Variants in ANKRD55 observed in about 807,000 individuals in gnomAD.
ANKRD55 encodes the protein ankyrin repeat domain-containing protein 55.
Under a neutral mutation model 60.6 loss-of-function variants are expected in ANKRD55, and 41 were observed. The observed-to-expected ratio is 0.68, with a 90% CI of 0.53 to 0.88. The LOEUF is 0.88. ANKRD55 is among the 40% of genes least tolerant of loss of function. ANKRD55 has a pLI of 0.00. For missense variants in ANKRD55, 732 were observed against 767.6 expected, an observed-to-expected ratio of 0.95 and a Z score of 0.55; for synonymous variants, 264 against 290.3, an observed-to-expected ratio of 0.91 and a Z score of 0.92.
chr5:56,154,425 G>T (rs2111782080), intron 6 of ANKRD55, among the ~76,000 whole-genome samples: 1 of 152,196 alleles, frequency 6.6e-6, no homozygotes, highest in Non-Finnish European at 1.5e-5. Context: ...GAAAGCCTGG[G>T]CTGTGTTCTT....
chr5:56,189,310 C>CA (rs201026805), intron 2 of ANKRD55, among the ~76,000 whole-genome samples: 2,995 of 89,450 alleles, frequency 0.033, 96 homozygotes, highest in African/African-American at 0.096. Context: ...GACTCTGTCT[C>CA]AAAAAAAAAA....
rs752909552 is a variant in ANKRD55 at position 56,125,454 on chromosome 5, T to G, written c.797+1468A>C. Among the ~76,000 whole-genome samples, 77 of 152,188 alleles carry G rather than the reference T, an allele frequency of 5.1e-4. No individual in the cohort carries two copies. The Middle Eastern group carries it at 0.014, about 27-fold the overall frequency. On this transcript the variant is annotated intron_variant, in intron 8 of 11. Coordinates refer to ENST00000341048, the MANE Select transcript of ANKRD55 (RefSeq NM_024669.3). ...CGCCACCACACCTGGCTAATTTTTG[T>G]ATTTTCAGTAAAGATGGGTTTCGCC... is the stretch of plus-strand genomic sequence containing the variant.
chr5:56,126,883 A>G lies in ANKRD55; in HGVS notation c.797+39T>C, dbSNP rs116131388. The G allele has an allele frequency of 1.6e-4, 252 of 1,566,914 alleles. 1 individual carries two copies. Among genetic ancestry groups the G allele is most frequent in the Admixed American group, 2.7e-4 (15 of 55,056 alleles). On this transcript the variant is annotated intron_variant, in intron 8 of 11. Transcript: ENST00000341048. The stretch of plus-strand genomic sequence containing the variant: ...TATTTTAAGATTCAGTTAGGGGGAA[A>G]TGACTAGTTTCCCAGCACTTTCTGG...
At position 56,126,582 on chromosome 5, in the gene ANKRD55, C is replaced by T. The variant is rs78438690; in HGVS notation, c.797+340G>A. 3.2e-3 allele frequency among the ~76,000 whole-genome samples: 427 copies of T among 132,452 alleles called. 3 individuals carry two copies. The highest frequency in any genetic ancestry group is 0.012 in the African/African-American group (410 of 33,594). The allele number at this position is 132,452 out of a possible 152,430, so 86.9% of individuals were successfully genotyped here. ...GAACTTGTGGACTTTATAACATAATCCAAGAATGAAGAAAAAAAAAACAAC... is the reference window on the plus strand; with the variant it reads ...GAACTTGTGGACTTTATAACATAATTCAAGAATGAAGAAAAAAAAAACAAC... On this transcript the variant is annotated intron_variant, in intron 8 of 11. Transcript: ENST00000341048.
Position 56,111,476 on chromosome 5 carries a change from C to T in ANKRD55, c.1272G>A (p.Leu424=), listed in dbSNP as rs1214380865. The T allele has an allele frequency of 6.2e-7, 1 of 1,613,986 alleles. No homozygotes were observed. Among genetic ancestry groups the T allele is most frequent in the African/African-American group, 1.3e-5 (1 of 74,900 alleles). Reference sequence around the variant, plus strand: ...TGATTGGTGGAAGCCCCTTACGGGCCAGCGGTTTCTTTTCTGGTAAGAGAT... The same window carrying T: ...TGATTGGTGGAAGCCCCTTACGGGCTAGCGGTTTCTTTTCTGGTAAGAGAT... ...SKYLLPEKKP[L]ARKGLPPIRT... The change falls in exon 10 of 12, where the codon CTG becomes CTA. Residue 424 remains leucine (L), a synonymous_variant. Coordinates refer to ENST00000341048, the MANE Select transcript of ANKRD55 (RefSeq NM_024669.3).
chr5:56,229,168 A>G (rs1290004109), intron 2 of ANKRD55, among the ~76,000 whole-genome samples: 2 of 143,662 alleles, frequency 1.4e-5, no homozygotes, highest in Non-Finnish European at 3.0e-5. Flanking sequence ...TTTTCTTTCC[A>G]CAAGTCGTGA....
At chr5:56,159,808 C>T (rs762820688) in intron 6 of ANKRD55, 25 bp downstream of exon 6, 21 of 1,612,358 alleles carry the variant, frequency 1.3e-5, no homozygotes, top group Non-Finnish European at 1.6e-5. Context: ...AAAATGACCA[C>T]TTGTTGCTTG....
chr5:56,175,802 AT>A (rs1214766901), intron 4 of ANKRD55, among the ~76,000 whole-genome samples: 1 of 152,084 alleles, frequency 6.6e-6, no homozygotes, highest in East Asian at 1.9e-4. Context: ...TCTTCACAGT[AT>A]TCCCACCCTG....
intron 8 of ANKRD55, 180 bp from the exon 9 acceptor site, chr5:56,116,962 G>A (rs1561254282): frequency 3.5e-6 from 2 of 575,426 alleles, no homozygotes; most frequent in Non-Finnish European, 5.9e-6. Context: ...ATGTGTAGGG[G>A]CCTCTCCTCT....
intron 10 of ANKRD55, chr5:56,110,904 C>A: frequency 1.7e-6 from 1 of 591,560 alleles, no homozygotes; most frequent in Non-Finnish European, 3.0e-6. Context: ...CATATTTGTA[C>A]TTGATGATTA....
At chr5:56,166,200 T>TC (rs1491196423) in intron 5 of ANKRD55, among the ~76,000 whole-genome samples, 1 of 58,366 alleles carries the variant, frequency 1.7e-5, no homozygotes, top group South Asian at 3.8e-4. Context: ...CTTCCTTCCT[T>TC]CTCTCTCTCT....
rs1250806259 is a variant in ANKRD55, at chr5:56,192,133, CTT to C, written c.59-8501_59-8500del. 3.3e-5 allele frequency among the ~76,000 whole-genome samples: 5 copies of C among 152,242 alleles called. No individual in the cohort carries two copies. In the East Asian group the frequency reaches 9.6e-4, roughly 29 times the overall value. On this transcript the variant is annotated intron_variant, in intron 2 of 11. Coordinates refer to ENST00000341048, the MANE Select transcript of ANKRD55 (RefSeq NM_024669.3). ...CTATTGCTCCTCTCTCTCTCTCTCT[CTT>C]TCTCATCTATTTGTCATCTATGTTT... is the stretch of plus-strand genomic sequence containing the variant.
At chr5:56,215,596 G>T (rs1759785483) in intron 2 of ANKRD55, among the ~76,000 whole-genome samples, 1 of 152,178 alleles carries the variant, frequency 6.6e-6, no homozygotes, top group South Asian at 2.1e-4. Context: ...GGGTTGATTG[G>T]GTGGACTGTC....
intron 2 of ANKRD55, chr5:56,193,391 G>T: frequency 1.5e-6 from 1 of 650,700 alleles, no homozygotes; most frequent in South Asian, 1.6e-5. Context: ...TATCTACCTA[G>T]AACCTTTTGG....
chr5:56,219,035 G>A lies in ANKRD55; in HGVS notation c.58+13821C>T, dbSNP rs182042316. On this transcript the variant is annotated intron_variant, in intron 2 of 11. Transcript: ENST00000341048. ...CACCTGTAATCCCAGCACTTTGGGA[G>A]GCCGAGGCGGGCGGATCACTTGAGG... is the stretch of plus-strand genomic sequence containing the variant. Among the ~76,000 whole-genome samples the A allele has an allele frequency of 2.0e-3, 302 of 152,208 alleles. 1 individual carries two copies. Among genetic ancestry groups the A allele is most frequent in the Non-Finnish European group, 3.6e-3 (245 of 67,990 alleles).
intron 2 of ANKRD55, among the ~76,000 whole-genome samples, chr5:56,184,483 C>A (rs1758923911): frequency 6.6e-6 from 1 of 152,214 alleles, no homozygotes; most frequent in African/African-American, 2.4e-5. Flanking sequence ...TTCATTTCAA[C>A]CACCTGAGAT....
At chr5:56,164,095 A>G (rs1758393895) in intron 5 of ANKRD55, among the ~76,000 whole-genome samples, 1 of 152,212 alleles carries the variant, frequency 6.6e-6, no homozygotes, top group Non-Finnish European at 1.5e-5. Context: ...CTCTGTCTCA[A>G]AACAAACAAA....
Position 56,143,858 on chromosome 5 carries a change from C to T in ANKRD55, c.555G>A (p.Gly185=). The T allele has an allele frequency of 6.2e-7, 1 of 1,614,114 alleles. No homozygotes were observed. The highest frequency in any genetic ancestry group is 8.5e-7 in the Non-Finnish European group (1 of 1,180,024). ...PQHTQMLLKK[G]ADPTLVDKDF... is the part of the protein sequence containing the mutation. Reference sequence around the variant, plus strand: ...CTTTATCCACAAGGGTGGGGTCTGCCCCCTTCTTCAGCAGCATTTGTGTGT... The same window carrying T: ...CTTTATCCACAAGGGTGGGGTCTGCTCCCTTCTTCAGCAGCATTTGTGTGT... Residue 185 remains glycine (G), a synonymous_variant, in exon 7 of 12, where the codon GGG becomes GGA. Transcript: ENST00000341048.
At chr5:56,112,888 T>A (rs561911373) in intron 9 of ANKRD55, among the ~76,000 whole-genome samples, 6 of 152,308 alleles carry the variant, frequency 3.9e-5, no homozygotes, top group African/African-American at 1.2e-4. Flanking sequence ...ATATAATGAA[T>A]GTTTTCTCTA....
Sources: allele counts gnomAD v4.1 joint callset (sites outside exome capture counted in the v4.1 genomes callset), GRCh38; gene constraint gnomAD v4.1.1; transcripts MANE v1.5; gene names NCBI Gene and HGNC (gene_info 2026-07-23, HGNC 2026-07-21).